RNF123: variants seen among roughly 807,000 people sequenced by gnomAD.
The protein encoded by RNF123 is ring finger protein 123.
RNF123 carries 86 observed loss-of-function variants against 168.5 expected under a neutral mutation model. The observed-to-expected ratio is 0.51, with a 90% confidence interval of 0.43 to 0.61. The LOEUF (loss-of-function observed/expected upper bound fraction) is 0.61. RNF123 is among the 20% of genes least tolerant of loss of function. The pLI is 0.00. For missense variants in RNF123, 1,419 were observed against 1,729.7 expected, an observed-to-expected ratio of 0.82 and a Z score of 3.19; for synonymous variants, 666 against 689.1, an observed-to-expected ratio of 0.97 and a Z score of 0.52.
In RNF123 at chr3:49,699,672, G is replaced by A. The variant is rs1156303273; in HGVS notation, c.884G>A (p.Gly295Glu). The change falls in exon 12 of 39, where the codon GGG becomes GAG. Residue 295 changes from glycine to glutamate, a missense_variant. Physicochemically the swap from Gly to Glu is moderately conservative, Grantham distance 98. This residue lies in a region of RNF123 where 318 missense variants were observed against 446.6 expected (regional missense o/e 0.71). Transcript: ENST00000327697. This position sits in a 1 kb window ranked among gnomAD's most constrained non-coding sequence, Gnocchi z 4.8. ...CCCTCCTCCCCCTCCACACAGGAGGGGCGGCTGTTGGACAAGGAGAGCTCC... is the reference window on the plus strand; with the variant it reads ...CCCTCCTCCCCCTCCACACAGGAGGAGCGGCTGTTGGACAAGGAGAGCTCC... ...VLSVELDPVE[G>E]RLLDKESSKW... The A allele has an allele frequency of 6.2e-7, 1 of 1,613,842 alleles. No homozygotes were observed. Among genetic ancestry groups the A allele is most frequent in the South Asian group, 1.1e-5 (1 of 91,078 alleles).
intron 35 of RNF123, 26 bp from the exon 36 acceptor site, chr3:49,720,485 C>T (rs945577510): frequency 2.0e-6 from 3 of 1,521,596 alleles, no homozygotes; most frequent in Non-Finnish European, 2.6e-6. Flanking sequence ...AGCCTTCTGA[C>T]TGCCCTTGCA....
In RNF123 at chr3:49,699,769, T is replaced by C; in HGVS notation, c.981T>C (p.Leu327=). Residue 327 remains leucine (L), a synonymous_variant, in exon 12 of 39, where the codon CTT becomes CTC. Transcript: ENST00000327697. The surrounding 1 kb of genome is among the most constrained non-coding windows in gnomAD (Gnocchi z 4.8). The part of the protein sequence containing the change: ...LAHIFHHFAP[L]LRKVYLVEAV... ...ACATCTTCCATCACTTTGCACCGCTTCTGGTGAGCGGCATTGGGAGGGGCA... is the reference window on the plus strand; with the variant it reads ...ACATCTTCCATCACTTTGCACCGCTCCTGGTGAGCGGCATTGGGAGGGGCA... 1 of 1,613,208 alleles carries C rather than the reference T, an allele frequency of 6.2e-7. No homozygotes were observed. Among genetic ancestry groups the C allele is most frequent in the South Asian group, 1.1e-5 (1 of 91,042 alleles).
At chr3:49,707,684 A>G (rs147980322) in intron 26 of RNF123, among the ~76,000 whole-genome samples, 55 of 151,760 alleles carry the variant, frequency 3.6e-4, no homozygotes, top group African/African-American at 1.2e-3. Context: ...CCCCATTTCT[A>G]TCATCTCTGC....
Position 49,714,139 on chromosome 3 carries a change from C to T in RNF123, c.2975C>T (p.Thr992Ile). Reference protein sequence around the residue: ...RYTRLPHLLKTKLEDANLPSL... With the variant: ...RYTRLPHLLKIKLEDANLPSL... Reference sequence around the variant, plus strand: ...ACACGGCTGCCACATCTGCTGAAAACCAAACTTGAGGACGCCAATTTGCCC... The same window carrying T: ...ACACGGCTGCCACATCTGCTGAAAATCAAACTTGAGGACGCCAATTTGCCC... The change falls in exon 31 of 39, where the codon ACC (threonine) becomes ATC (isoleucine). Residue 992 changes from threonine to isoleucine, a missense_variant. This residue lies in a region of RNF123 where 538 missense variants were observed against 708.8 expected (regional missense o/e 0.76). Coordinates refer to ENST00000327697, the MANE Select transcript of RNF123 (RefSeq NM_022064.5). 6.2e-7 allele frequency: 1 copy of T among 1,614,162 alleles called. No individual in the cohort carries two copies.
intron 35 of RNF123, chr3:49,718,725 G>A (rs1180012143): frequency 1.2e-6 from 2 of 1,612,982 alleles, no homozygotes; most frequent in South Asian, 1.1e-5. Flanking sequence ...ATACGTACTC[G>A]CGCGCAAAGT....
intron 9 of RNF123, 58 bp downstream of exon 9, chr3:49,698,880 C>T (rs974507817): frequency 1.2e-6 from 2 of 1,605,876 alleles, no homozygotes; most frequent in African/African-American, 2.7e-5. Context: ...AGACTGCCCC[C>T]AGTTTCCTGG....
chr3:49,700,567 G>A lies in RNF123; in HGVS notation c.1203+3G>A, dbSNP rs1439962180. The A allele has an allele frequency of 6.2e-7, 1 of 1,614,072 alleles. No homozygotes were observed. The highest frequency in any genetic ancestry group is 8.5e-7 in the Non-Finnish European group (1 of 1,180,046). ...TTGTCCCAGACCTGGGCCTACAGGTGGGAGCCCCTACCCCTGCCCTGAGCC... is the reference window on the plus strand; with the variant it reads ...TTGTCCCAGACCTGGGCCTACAGGTAGGAGCCCCTACCCCTGCCCTGAGCC... On this transcript the variant is annotated splice_donor_region_variant and intron_variant, in intron 14 of 38. Transcript: ENST00000327697.
chr3:49,700,100 T>C, intron 12 of RNF123, 127 bp from the exon 13 acceptor site: 1 of 1,347,270 alleles, frequency 7.4e-7, no homozygotes, highest in Non-Finnish European at 1.0e-6. Context: ...GGGTCATCTA[T>C]GTTTGGTGTT....
At chr3:49,718,645 GAGC>G in intron 35 of RNF123, 1 of 1,613,014 alleles carries the variant, frequency 6.2e-7, no homozygotes, top group Non-Finnish European at 8.5e-7. Context: ...TGGGGCCGAC[GAGC>G]AGTTCTCAAA....
At chr3:49,717,889 G>C in intron 35 of RNF123, 3 of 1,536,616 alleles carry the variant, frequency 2.0e-6, no homozygotes, top group South Asian at 1.2e-5. Flanking sequence ...TCTCTGGACC[G>C]AAGCAGGGAG....
At chr3:49,712,747 C>T (rs775215543) in intron 27 of RNF123, 91 bp downstream of exon 27, 2 of 1,438,792 alleles carry the variant, frequency 1.4e-6, no homozygotes, top group South Asian at 2.3e-5. Context: ...TGTGGCCCAG[C>T]AACACACTTC....
At chr3:49,712,729 G>C (rs749372303) in intron 27 of RNF123, 73 bp downstream of exon 27, 22 of 1,543,318 alleles carry the variant, frequency 1.4e-5, no homozygotes, top group Non-Finnish European at 2.0e-5. Flanking sequence ...GCCCTGGTCT[G>C]AGACCTCTGT....
Position 49,701,536 on chromosome 3 carries a change from C to T in RNF123, c.1323C>T (p.Pro441=). 6.2e-7 allele frequency: 1 copy of T among 1,613,838 alleles called. No individual in the cohort carries two copies. Among genetic ancestry groups the T allele is most frequent in the Non-Finnish European group, 8.5e-7 (1 of 1,180,016 alleles). The change falls in exon 16 of 39, where the codon CCC becomes CCT. Residue 441 remains proline, a synonymous_variant. Transcript: ENST00000327697. ...TCGTCTTCTTTTACATCAAGAGCCC[C>T]CTGCGTGTGGAGGAGGCCGGCCTGC... The part of the protein sequence containing the change: ...RSVVFFYIKS[P]LRVEEAGLQE...
intron 3 of RNF123, among the ~76,000 whole-genome samples, chr3:49,691,957 T>TA (rs1346853543): frequency 6.6e-6 from 1 of 152,174 alleles, no homozygotes; most frequent in Non-Finnish European, 1.5e-5. Context: ...AGCAGAAACT[T>TA]AGAGGGCCAG....
intron 20 of RNF123, 125 bp downstream of exon 20, chr3:49,702,878 C>T: frequency 6.9e-7 from 1 of 1,441,078 alleles, no homozygotes; most frequent in Non-Finnish European, 9.5e-7. Flanking sequence ...CGGCATCCTG[C>T]CTGGTTGAGT....
intron 31 of RNF123, 117 bp downstream of exon 31, chr3:49,714,291 T>C: frequency 1.1e-6 from 1 of 883,398 alleles, no homozygotes; most frequent in Non-Finnish European, 1.8e-6. Flanking sequence ...CCCCATTGGG[T>C]CCCAGACTCC....
chr3:49,706,746 T>A, intron 25 of RNF123, 45 bp from the exon 26 acceptor site: 1 of 1,541,920 alleles, frequency 6.5e-7, no homozygotes, highest in Non-Finnish European at 9.0e-7. Flanking sequence ...TGGACCTGGG[T>A]ATGGGGCCAT....
At chr3:49,716,061 G>A in intron 33 of RNF123, 41 bp from the exon 34 acceptor site, 1 of 1,613,564 alleles carries the variant, frequency 6.2e-7, no homozygotes, top group South Asian at 1.1e-5. Context: ...CCCCATTGAT[G>A]ACGCTCCCCA....
At chr3:49,719,796 C>G (rs767735756) in intron 35 of RNF123, 20 of 274,406 alleles carry the variant, frequency 7.3e-5, no homozygotes, top group Non-Finnish European at 1.4e-4. Flanking sequence ...GCCCAATGGC[C>G]CCGCATGACC....
Sources: allele counts gnomAD v4.1 joint callset (sites outside exome capture counted in the v4.1 genomes callset), GRCh38; gene constraint gnomAD v4.1.1; regional missense constraint gnomAD v4.1.1; non-coding constraint Gnocchi (gnomAD v3.1); transcripts MANE v1.5; gene names NCBI Gene and HGNC (gene_info 2026-07-23, HGNC 2026-07-21).